The following SLFN12L variants were observed in gnomAD, a reference collection of about 807,000 sequenced individuals.
SLFN12L encodes the protein schlafen family member 12 like.
SLFN12L carries 34 observed loss-of-function variants against 34.8 expected under a neutral mutation model. The ratio of observed to expected loss-of-function variants is 0.98; its 90% CI spans 0.74 to 1.30. SLFN12L has a LOEUF of 1.30. Among genes scored for constraint, SLFN12L ranks in the 50% most tolerant of loss-of-function variants. The pLI is 0.00. For missense variants in SLFN12L, 703 were observed against 696.2 expected (o/e 1.01, Z -0.11); for synonymous variants, 259 against 247.5 (o/e 1.05, Z -0.44).
rs150907804 is a variant in SLFN12L at position 35,519,049 on chromosome 17, G to A, written c.86+3230C>T. On this transcript the variant is annotated intron_variant, in intron 2 of 4. Transcript: ENST00000628453. ...TCATGTCCTTTGCAAAGACGTGGAT[G>A]AAGCTGGAAGCCATGATTCTCAGCA... 7.0e-3 allele frequency among the ~76,000 whole-genome samples: 1,069 copies of A among 152,328 alleles called. 8 individuals are homozygous for A. The highest frequency in any genetic ancestry group is 0.012 in the Non-Finnish European group (833 of 68,036).
intron 2 of SLFN12L, among the ~76,000 whole-genome samples, chr17:35,489,558 T>C (rs1490908069): frequency 6.6e-6 from 1 of 151,904 alleles, no homozygotes; most frequent in East Asian, 1.9e-4. Flanking sequence ...TGTCCGTATA[T>C]ATATGTACAT....
chr17:35,516,482 A>G (rs543316004), intron 2 of SLFN12L, among the ~76,000 whole-genome samples: 10 of 152,340 alleles, frequency 6.6e-5, no homozygotes, highest in African/African-American at 2.4e-4. Flanking sequence ...CCTTGACACT[A>G]TTGAGATTTG....
intron 1 of SLFN12L, among the ~76,000 whole-genome samples, chr17:35,536,119 A>G (rs2072459666): frequency 6.6e-6 from 1 of 152,156 alleles, no homozygotes; most frequent in African/African-American, 2.4e-5. Context: ...ACATCCGGCC[A>G]AAAATCTAGA....
chr17:35,504,698 C>A (rs1915411114), intron 2 of SLFN12L, among the ~76,000 whole-genome samples: 1 of 152,192 alleles, frequency 6.6e-6, no homozygotes, highest in Non-Finnish European at 1.5e-5. Context: ...GGTCAGCCCC[C>A]AGGGGACATC....
At chr17:35,515,222 G>A (rs962625444) in intron 2 of SLFN12L, 7 of 543,686 alleles carry the variant, frequency 1.3e-5, no homozygotes, top group South Asian at 1.1e-4. Flanking sequence ...GACTGCGGCG[G>A]TGGGGGAAAG....
intron 2 of SLFN12L, among the ~76,000 whole-genome samples, chr17:35,502,019 G>A (rs1201117309): frequency 2.0e-5 from 3 of 152,018 alleles, no homozygotes; most frequent in African/African-American, 7.2e-5. Flanking sequence ...GAGAAGCAGA[G>A]AGAGAGGAAG....
chr17:35,495,521 A>G (rs1158192874), intron 2 of SLFN12L, among the ~76,000 whole-genome samples: 1 of 152,186 alleles, frequency 6.6e-6, no homozygotes, highest in African/African-American at 2.4e-5. Flanking sequence ...AGTTTGTGGC[A>G]TCTCCAGGAC....
intron 2 of SLFN12L, chr17:35,487,803 C>G: frequency 2.7e-6 from 4 of 1,508,202 alleles, no homozygotes; most frequent in Non-Finnish European, 3.6e-6. Flanking sequence ...CTCTCCGCGT[C>G]CGTGTGCGGC....
chr17:35,515,030 C>T (rs1915767835), intron 2 of SLFN12L: 1 of 541,312 alleles, frequency 1.8e-6, no homozygotes, highest in Non-Finnish European at 3.6e-6. Flanking sequence ...ACTTGGAAAG[C>T]TCAACTCACT....
Position 35,478,126 on chromosome 17 carries a change from G to A in SLFN12L, c.1225C>T (p.Leu409Phe). ...TSSPVSQSYP[L>F]REYINFKIQP... ...ATTTTGAAGTTAATATATTCACGAA[G>A]AGGATAACTCTGGGAGACAGGTGAT... The change falls in exon 4 of 5, where the codon CTT (leucine) becomes TTT (phenylalanine). Residue 409 changes from leucine (L) to phenylalanine (F), a missense_variant. Physicochemically the swap from Leu to Phe is conservative, Grantham distance 22. Transcript: ENST00000628453. The A allele has an allele frequency of 6.5e-7, 1 of 1,545,570 alleles. No homozygotes were observed. Among genetic ancestry groups the A allele is most frequent in the East Asian group, 2.4e-5 (1 of 40,840 alleles).
chr17:35,498,749 C>T (rs1369466656), intron 2 of SLFN12L: 1 of 1,261,684 alleles, frequency 7.9e-7, no homozygotes, highest in Non-Finnish European at 1.1e-6. Context: ...TTATCCACTA[C>T]CTCCAAAGTG....
chr17:35,503,998 T>C (rs938762832), intron 2 of SLFN12L, among the ~76,000 whole-genome samples: 1 of 152,208 alleles, frequency 6.6e-6, no homozygotes, highest in Non-Finnish European at 1.5e-5. Context: ...TAAGAAAAGT[T>C]TAACTCCTTC....
At chr17:35,532,570 T>C (rs2072422263) in intron 1 of SLFN12L, among the ~76,000 whole-genome samples, 1 of 152,170 alleles carries the variant, frequency 6.6e-6, no homozygotes, top group African/African-American at 2.4e-5. Flanking sequence ...CCTGGCTCCG[T>C]TGGGATTACT....
At position 35,470,449 on chromosome 17, in the gene SLFN12L, G is replaced by A. The variant is rs1913787587; in HGVS notation, c.*4474C>T. 1 of 152,890 alleles carries A rather than the reference G, an allele frequency of 6.5e-6. No homozygotes were observed. Among genetic ancestry groups the A allele is most frequent in the Non-Finnish European group, 1.5e-5 (1 of 68,542 alleles). The allele number at this position is 152,890 out of a possible 1,614,324, so 9.5% of individuals were successfully genotyped here. A position where few individuals can be genotyped will look rare whatever the true frequency, so the allele number is the denominator to read the frequency against. ...TCATTGCAATGTTCCACAGCTGTAG[G>A]TGTGCCAAGGCCTCTGGGTCCCAGT... On this transcript the variant is annotated 3_prime_UTR_variant, in exon 5 of 5. Coordinates refer to ENST00000628453, the MANE Select transcript of SLFN12L (RefSeq NM_001363830.2).
chr17:35,515,429 A>G (rs1353890608), intron 2 of SLFN12L, among the ~76,000 whole-genome samples: 10 of 151,768 alleles, frequency 6.6e-5, no homozygotes, highest in African/African-American at 2.4e-4. Flanking sequence ...ATGCCTGGAG[A>G]GTGTTTCTTT....
intron 2 of SLFN12L, among the ~76,000 whole-genome samples, chr17:35,514,063 G>A (rs1326305566): frequency 6.6e-6 from 1 of 152,190 alleles, no homozygotes; most frequent in Non-Finnish European, 1.5e-5. Context: ...ATCAGCAAAT[G>A]GACTCCGACT....
At chr17:35,483,914 C>CAAT (rs779830530) in intron 2 of SLFN12L, among the ~76,000 whole-genome samples, 126 of 152,254 alleles carry the variant, frequency 8.3e-4, no homozygotes, top group Non-Finnish European at 1.4e-3. Context: ...CATGTGTAAA[C>CAAT]AATAATAAAA....
intron 2 of SLFN12L, among the ~76,000 whole-genome samples, chr17:35,489,290 C>T (rs865810145): frequency 2.6e-5 from 4 of 151,848 alleles, no homozygotes; most frequent in South Asian, 4.2e-4. Context: ...CAGTGGCTCA[C>T]GCCTATTATC....
chr17:35,512,647 T>G (rs918737968), intron 2 of SLFN12L, among the ~76,000 whole-genome samples: 4 of 152,218 alleles, frequency 2.6e-5, no homozygotes, highest in Admixed American at 1.3e-4. Flanking sequence ...ATTACAGGCG[T>G]GAGCCACCGT....
Sources: allele counts gnomAD v4.1 joint callset (sites outside exome capture counted in the v4.1 genomes callset), GRCh38; gene constraint gnomAD v4.1.1; transcripts MANE v1.5; gene names NCBI Gene and HGNC (gene_info 2026-07-23, HGNC 2026-07-21).